The following TMF1 variants were observed in gnomAD, a reference collection of about 807,000 sequenced individuals.
The protein encoded by TMF1 is TATA element modulatory factor.
Under a neutral mutation model 126.5 loss-of-function variants are expected in TMF1, and 71 were observed. The ratio of observed to expected loss-of-function variants is 0.56; its 90% CI spans 0.46 to 0.68. The LOEUF is 0.68. Ranked by LOEUF, TMF1 falls within the 30% of genes least tolerant of loss-of-function variation. The probability of loss-of-function intolerance (pLI) is 0.00; values close to 1 mark genes in which losing one functional copy is unlikely to be tolerated. For missense variants in TMF1, 1,259 were observed against 1,253.2 expected (o/e 1.00, Z -0.07); for synonymous variants, 461 against 430.5 (o/e 1.07, Z -0.88).
Position 69,020,086 on chromosome 3 carries a change from C to T in TMF1, c.*3091G>A, listed in dbSNP as rs1319113808. 6.6e-6 allele frequency: 1 copy of T among 152,026 alleles called. No homozygotes were observed. Among genetic ancestry groups the T allele is most frequent in the Non-Finnish European group, 1.5e-5 (1 of 67,962 alleles). The allele number at this position is 152,026 out of a possible 1,614,324, so 9.4% of individuals were successfully genotyped here. A position where few individuals can be genotyped will look rare whatever the true frequency, so the allele number is the denominator to read the frequency against. On this transcript the variant is annotated 3_prime_UTR_variant, in exon 17 of 17. Transcript: ENST00000398559. Reference sequence around the variant, plus strand: ...GTATTAAAACAAGATAAAACATCTACAGTTTTCTTTTTTCTTCTATTTTCT... The same window carrying T: ...GTATTAAAACAAGATAAAACATCTATAGTTTTCTTTTTTCTTCTATTTTCT...
intron 1 of TMF1, among the ~76,000 whole-genome samples, chr3:69,049,487 T>C (rs563347156): frequency 1.5e-4 from 23 of 152,348 alleles, no homozygotes; most frequent in Admixed American, 8.5e-4. Flanking sequence ...AAATTCATTT[T>C]CATCCACTTA....
intron 11 of TMF1, 96 bp from the exon 12 acceptor site, chr3:69,028,391 T>G (rs960378809): frequency 1.4e-6 from 1 of 727,380 alleles, no homozygotes; most frequent in Non-Finnish European, 2.3e-6. Context: ...CAGCTACATA[T>G]TGAGAAATCA....
rs1411671065 is a variant in TMF1, at chr3:69,022,733, T to C, written c.*444A>G. On this transcript the variant is annotated 3_prime_UTR_variant, in exon 17 of 17. Coordinates refer to ENST00000398559, the MANE Select transcript of TMF1 (RefSeq NM_007114.3). Reference sequence around the variant, plus strand: ...ATTTTCATGAGCAGTAATTAAGATATGTTGAAATTTTAAATGTGAAAGATT... The same window carrying C: ...ATTTTCATGAGCAGTAATTAAGATACGTTGAAATTTTAAATGTGAAAGATT... 2 of 152,544 alleles carry C rather than the reference T, an allele frequency of 1.3e-5. No individual in the cohort carries two copies. Among genetic ancestry groups the C allele is most frequent in the Non-Finnish European group, 2.9e-5 (2 of 67,988 alleles). The allele number at this position is 152,544 out of a possible 1,614,324, so 9.4% of individuals were successfully genotyped here.
At chr3:69,043,414 C>G (rs1205834837) in intron 4 of TMF1, among the ~76,000 whole-genome samples, 1 of 152,142 alleles carries the variant, frequency 6.6e-6, no homozygotes, top group African/African-American at 2.4e-5. Context: ...AAGCGATCCA[C>G]CCTCTTCGGC....
intron 1 of TMF1, among the ~76,000 whole-genome samples, chr3:69,049,387 A>G (rs2091913732): frequency 6.6e-6 from 1 of 152,160 alleles, no homozygotes; most frequent in Non-Finnish European, 1.5e-5. Context: ...AACAAACAAA[A>G]CAACAAAAGC....
rs568177626 is a variant in TMF1 at position 69,047,359 on chromosome 3, T to G, written c.1346A>C (p.Lys449Thr). The G allele has an allele frequency of 3.2e-6, 5 of 1,578,304 alleles. No homozygotes were observed. In the South Asian group the frequency reaches 4.6e-5, roughly 15 times the overall value. ...ATCCCTTCCACTTACTAGAGTTACC[T>G]TGCAAACATCTTCCTTCTCAGAAAG... is the stretch of plus-strand genomic sequence containing the variant. ...EALSEKEDVC[K>T]TVEFLNEKLE... Residue 449 changes from lysine (K) to threonine (T), a missense_variant and splice_region_variant, in exon 2 of 17, where the codon AAG becomes ACG. Coordinates refer to ENST00000398559, the MANE Select transcript of TMF1 (RefSeq NM_007114.3).
intron 6 of TMF1, among the ~76,000 whole-genome samples, chr3:69,039,269 G>A (rs1443304595): frequency 1.3e-5 from 2 of 152,036 alleles, no homozygotes; most frequent in Admixed American, 6.6e-5. Context: ...TATTAGGTTG[G>A]TGCAGTATTT....
At position 69,048,544 on chromosome 3, in the gene TMF1, C is replaced by T. The variant is rs1232992443; in HGVS notation, c.161G>A (p.Ser54Asn). The T allele has an allele frequency of 4.4e-6, 7 of 1,599,594 alleles. No homozygotes were observed. Among genetic ancestry groups the T allele is most frequent in the African/African-American group, 1.3e-5 (1 of 74,256 alleles). The change falls in exon 2 of 17, where the codon AGT becomes AAT. Residue 54 changes from serine to asparagine, a missense_variant. Transcript: ENST00000398559. ...YGEPGISSPV[S>N]GGWDTSTWGL... is the part of the protein sequence containing the mutation. Reference sequence around the variant, plus strand: ...CCAGGTTGAAGTATCCCATCCTCCACTGACAGGGGAACTTATTCCTTTAAC... The same window carrying T: ...CCAGGTTGAAGTATCCCATCCTCCATTGACAGGGGAACTTATTCCTTTAAC...
chr3:69,029,938 T>A lies in TMF1; in HGVS notation c.2471A>T (p.Asn824Ile). 1 of 1,614,224 alleles carries A rather than the reference T, an allele frequency of 6.2e-7. No homozygotes were observed. The highest frequency in any genetic ancestry group is 8.5e-7 in the Non-Finnish European group (1 of 1,180,036). Residue 824 changes from asparagine to isoleucine, a missense_variant, in exon 11 of 17, where the codon AAC becomes ATC. Coordinates refer to ENST00000398559, the MANE Select transcript of TMF1 (RefSeq NM_007114.3). Reference protein sequence around the residue: ...ERAATEELLANKIQMSSMESQ... With the variant: ...ERAATEELLAIKIQMSSMESQ... ...CTCCATGGAAGACATCTGAATTTTG[T>A]TAGCAAGGAGTTCTTCTGTAGCTGC...
At chr3:69,039,463 A>G (rs1375909418) in intron 6 of TMF1, 88 bp downstream of exon 6, 2 of 1,404,048 alleles carry the variant, frequency 1.4e-6, no homozygotes, top group South Asian at 1.4e-5. Flanking sequence ...ACCCCATTAA[A>G]TCTTTTCAAA....
At chr3:69,033,523 C>T (rs1304142730) in intron 10 of TMF1, 25 bp downstream of exon 10, 9 of 1,598,572 alleles carry the variant, frequency 5.6e-6, no homozygotes, top group African/African-American at 1.3e-5. Context: ...GCTTCTGCAT[C>T]GAGCATAAAA....
At chr3:69,034,987 T>G in intron 9 of TMF1, 36 bp downstream of exon 9, 3 of 1,537,580 alleles carry the variant, frequency 2.0e-6, no homozygotes, top group Non-Finnish European at 2.7e-6. Flanking sequence ...AAACACATAC[T>G]TCTTGGATTT....
chr3:69,032,071 G>T (rs1291838937), intron 10 of TMF1, among the ~76,000 whole-genome samples: 1 of 151,958 alleles, frequency 6.6e-6, no homozygotes, highest in Non-Finnish European at 1.5e-5. Flanking sequence ...TTAAGTAAAT[G>T]AATCTTTTTC....
chr3:69,044,637 A>C, intron 2 of TMF1, 42 bp from the exon 3 acceptor site: 1 of 1,324,858 alleles, frequency 7.5e-7, no homozygotes, highest in African/African-American at 1.5e-5. Flanking sequence ...GCTTAGCTTT[A>C]AAAAAGACCA....
At chr3:69,038,543 A>G (rs1344385861) in intron 8 of TMF1, 21 bp downstream of exon 8, 1 of 1,605,418 alleles carries the variant, frequency 6.2e-7, no homozygotes, top group Non-Finnish European at 8.5e-7. Context: ...AAACTACTCT[A>G]ATTCATCATC....
At chr3:69,027,714 T>C (rs1442002331) in intron 13 of TMF1, among the ~76,000 whole-genome samples, 186 bp downstream of exon 13, 1 of 151,008 alleles carries the variant, frequency 6.6e-6, no homozygotes, top group African/African-American at 2.4e-5. Flanking sequence ...AAAAATCTCA[T>C]GATGATTTAA....
At chr3:69,045,056 T>C (rs964955608) in intron 2 of TMF1, among the ~76,000 whole-genome samples, 1 of 152,254 alleles carries the variant, frequency 6.6e-6, no homozygotes, top group African/African-American at 2.4e-5. Flanking sequence ...AGAGGAAATT[T>C]AAAGCCTCTA....
In TMF1 at chr3:69,026,055, G is replaced by A. The variant is rs568158325; in HGVS notation, c.2800C>T (p.Arg934Cys). ...FSVSSTPTMS[R>C]SSSISGVDMA... Reference sequence around the variant, plus strand: ...TCAACACCACTTATTGAACTTGAGCGTGACATGGTGGGAGTGCTAGAAACA... The same window carrying A: ...TCAACACCACTTATTGAACTTGAGCATGACATGGTGGGAGTGCTAGAAACA... The change falls in exon 14 of 17, where the codon CGC (arginine) becomes TGC (cysteine). Residue 934 changes from arginine to cysteine, a missense_variant. Transcript: ENST00000398559. 4.0e-5 allele frequency: 65 copies of A among 1,614,058 alleles called. No homozygotes were observed. The highest frequency in any genetic ancestry group is 6.6e-5 in the South Asian group (6 of 91,080).
chr3:69,052,059 A>G lies in TMF1; in HGVS notation c.28T>C (p.Ser10Pro). Reference protein sequence around the residue: MSWFNASQLSSFAKQALSQA... With the variant: MSWFNASQLPSFAKQALSQA... The stretch of plus-strand genomic sequence containing the variant: ...GACAGGGCCTGCTTAGCGAAGCTGG[A>G]GAGCTGGGAGGCGTTGAACCAACTC... The change falls in exon 1 of 17, where the codon TCC becomes CCC. Residue 10 changes from serine (S) to proline (P), a missense_variant. Physicochemically the swap from Ser to Pro is moderately conservative, Grantham distance 74 (BLOSUM62 -1). Transcript: ENST00000398559. 6.2e-7 allele frequency: 1 copy of G among 1,612,980 alleles called. No individual in the cohort carries two copies. The highest frequency in any genetic ancestry group is 8.5e-7 in the Non-Finnish European group (1 of 1,179,678).
Sources: gnomAD v4.1 joint callset for allele counts (sites outside exome capture counted in the v4.1 genomes callset) on GRCh38, gnomAD v4.1.1 for gene constraint, MANE v1.5 for transcripts, NCBI Gene and HGNC (gene_info 2026-07-23, HGNC 2026-07-21) for gene names.